Variants in RSPH14 observed in about 807,000 individuals in gnomAD.
The protein encoded by RSPH14 is rhabdoid tumor deletion region gene 1.
In RSPH14, 20 loss-of-function variants were observed where a neutral mutation model predicts 26.7. The observed-to-expected ratio is 0.75, with a 90% CI of 0.53 to 1.09. The LOEUF is 1.09. RSPH14 is among the 50% of genes least tolerant of loss of function. RSPH14 has a pLI of 0.00. For synonymous variants in RSPH14, 177 were observed against 189.3 expected (o/e 0.93, Z 0.53); for missense variants, 449 against 457.2 (o/e 0.98, Z 0.16).
chr22:23,156,378 C>T, the RSPH14 span: 2 of 237,034 alleles, frequency 8.4e-6, no homozygotes, highest in Non-Finnish European at 8.5e-6. Flanking sequence ...GAGGCTTGTC[C>T]TGTCTTAGCA....
rs767519941 is a variant in RSPH14 at position 23,061,808 on chromosome 22, C to T, written c.790+1G>A. The T allele has an allele frequency of 1.6e-5, 26 of 1,613,984 alleles. No homozygotes were observed. Among genetic ancestry groups the T allele is most frequent in the Non-Finnish European group, 2.0e-5 (24 of 1,179,996 alleles). On this transcript the variant is annotated splice_donor_variant, in intron 6 of 6. Transcript: ENST00000216036. LOFTEE classifies it high-confidence loss of function. ...CCCTGCGGCACCCCCCACCGCCTCA[C>T]CTTCAGTGATCACTGTGGCGAACAT...
chr22:23,171,855 C>CAA, the RSPH14 span, among the ~76,000 whole-genome samples: 1 of 25,054 alleles, frequency 4.0e-5, no homozygotes, highest in African/African-American at 1.9e-4. Context: ...AAAAAAAAAA[C>CAA]AAAAAAAAAA....
At chr22:23,168,877 G>A in the RSPH14 span, among the ~76,000 whole-genome samples, 1 of 152,186 alleles carries the variant, frequency 6.6e-6, no homozygotes, top group Admixed American at 6.5e-5. Context: ...ACCAGGTCTG[G>A]GCTCCCTCTT....
chr22:23,157,236 T>C, the RSPH14 span, among the ~76,000 whole-genome samples: 1 of 146,264 alleles, frequency 6.8e-6, no homozygotes, highest in Non-Finnish European at 1.5e-5. Flanking sequence ...GAAATGAAAG[T>C]TGGCCCTGGA....
intron 4 of RSPH14, among the ~76,000 whole-genome samples, chr22:23,082,286 G>A (rs958385002): frequency 2.9e-4 from 43 of 150,412 alleles, no homozygotes; most frequent in African/African-American, 9.7e-4. Flanking sequence ...GCGCGATCTC[G>A]GCTCACTGCA....
intron 4 of RSPH14, among the ~76,000 whole-genome samples, chr22:23,118,863 GCAGGC>G (rs1054641690): frequency 6.9e-4 from 105 of 152,322 alleles, no homozygotes; most frequent in African/African-American, 2.3e-3. Flanking sequence ...AAAACCCCAT[GCAGGC>G]CAGGCCAGGC....
the RSPH14 span, among the ~76,000 whole-genome samples, chr22:23,168,447 G>A: frequency 5.3e-5 from 8 of 152,330 alleles, no homozygotes; most frequent in East Asian, 1.4e-3. Context: ...CCTCTCCTGA[G>A]GGAGAAGCGG....
chr22:23,104,699 TA>T (rs2069409490), intron 4 of RSPH14, among the ~76,000 whole-genome samples: 1 of 152,124 alleles, frequency 6.6e-6, no homozygotes, highest in Non-Finnish European at 1.5e-5. Flanking sequence ...GGATCCCTAG[TA>T]ACCAGTGTAG....
intron 4 of RSPH14, among the ~76,000 whole-genome samples, chr22:23,070,021 G>A (rs1313683002): frequency 1.3e-5 from 2 of 152,184 alleles, no homozygotes; most frequent in Non-Finnish European, 2.9e-5. Context: ...GGTTTCCCGG[G>A]CTGCCAGAGG....
intron 4 of RSPH14, among the ~76,000 whole-genome samples, chr22:23,109,773 G>A (rs555302630): frequency 6.6e-6 from 1 of 152,316 alleles, no homozygotes; most frequent in Admixed American, 6.5e-5. Flanking sequence ...CCCCAGCCCT[G>A]GAAGCTGTGG....
chr22:23,081,951 T>C (rs932170258), intron 4 of RSPH14, among the ~76,000 whole-genome samples: 3 of 146,508 alleles, frequency 2.0e-5, no homozygotes, highest in South Asian at 2.3e-4. Flanking sequence ...CAGTGAAACC[T>C]CATCTCTACT....
intron 4 of RSPH14, among the ~76,000 whole-genome samples, chr22:23,113,250 C>G (rs2069709754): frequency 6.6e-6 from 1 of 152,216 alleles, no homozygotes; most frequent in Admixed American, 6.5e-5. Context: ...GGCCCTGTGC[C>G]CAGGCAAGGC....
the RSPH14 span, among the ~76,000 whole-genome samples, chr22:23,170,689 T>C: frequency 2.0e-5 from 3 of 151,970 alleles, no homozygotes; most frequent in African/African-American, 2.4e-5. Context: ...GCTGAGATCA[T>C]GCCACTGCAC....
intron 4 of RSPH14, among the ~76,000 whole-genome samples, chr22:23,125,276 G>T: frequency 6.6e-6 from 1 of 152,116 alleles, no homozygotes; most frequent in East Asian, 1.9e-4. Context: ...GGAGGTCTGG[G>T]GGTGATGATG....
intron 4 of RSPH14, among the ~76,000 whole-genome samples, chr22:23,082,680 G>T (rs1292079136): frequency 6.6e-6 from 1 of 152,102 alleles, no homozygotes; most frequent in African/African-American, 2.4e-5. Context: ...CGGCAGGCCA[G>T]CCTGGAAGCC....
upstream of RSPH14, among the ~76,000 whole-genome samples, chr22:23,143,538 C>T (rs1480697537): frequency 1.3e-5 from 2 of 152,052 alleles, no homozygotes; most frequent in African/African-American, 4.8e-5. Context: ...GTTTATGCCC[C>T]TCATATTATC....
Position 23,140,387 on chromosome 22 carries a change from T to C in RSPH14, c.34A>G (p.Ile12Val), listed in dbSNP as rs763736913. Residue 12 changes from isoleucine (I) to valine (V), a missense_variant, in exon 2 of 7, where the codon ATT becomes GTT. Ile to Val is a conservative substitution (Grantham distance 29, BLOSUM62 3). Coordinates refer to ENST00000216036, the MANE Select transcript of RSPH14 (RefSeq NM_014433.3). Reference sequence around the variant, plus strand: ...GTAATCTGGGTGGCATTGATGTTAATGGGAAGCTCCAAGGAGTTCTGGGAA... The same window carrying C: ...GTAATCTGGGTGGCATTGATGTTAACGGGAAGCTCCAAGGAGTTCTGGGAA... ...AHSQNSLELP[I>V]NINATQITTA... 2 of 1,614,206 alleles carry C rather than the reference T, an allele frequency of 1.2e-6. No individual in the cohort carries two copies. The highest frequency in any genetic ancestry group is 4.5e-5 in the East Asian group (2 of 44,888).
chr22:23,171,551 A>T, the RSPH14 span, among the ~76,000 whole-genome samples: 2 of 152,112 alleles, frequency 1.3e-5, no homozygotes, highest in African/African-American at 4.8e-5. Flanking sequence ...ACATTCAAGT[A>T]ATATTATTCA....
chr22:23,164,269 T>C, the RSPH14 span: 3 of 152,298 alleles, frequency 2.0e-5, no homozygotes, highest in African/African-American at 4.8e-5. Flanking sequence ...TGTTACCAGC[T>C]TCTGAGCTAG....
Sources: allele counts gnomAD v4.1 joint callset (sites outside exome capture counted in the v4.1 genomes callset), GRCh38; gene constraint gnomAD v4.1.1; transcripts MANE v1.5; gene names NCBI Gene and HGNC (gene_info 2026-07-23, HGNC 2026-07-21).